NRG3: variants seen among roughly 807,000 people sequenced by gnomAD.
NRG3 encodes neuregulin 3, also known as pro-neuregulin-3, membrane-bound isoform.
A neutral mutation model predicts 66.9 loss-of-function variants in NRG3; 31 were observed. That is an observed-to-expected ratio of 0.46 (90% CI 0.35 to 0.63). The LOEUF is 0.63. Ranked by LOEUF, NRG3 falls within the 20% of genes least tolerant of loss-of-function variation. NRG3 has a pLI of 0.00. For synonymous variants in NRG3, 393 were observed against 359.4 expected (o/e 1.09, Z -1.06); for missense variants, 910 against 878.9 (o/e 1.04, Z -0.45).
At chr10:82,028,439 G>A (rs1354602541) in intron 1 of NRG3, among the ~76,000 whole-genome samples, 1 of 152,006 alleles carries the variant, frequency 6.6e-6, no homozygotes, top group Non-Finnish European at 1.5e-5. Flanking sequence ...TAAACTTAAA[G>A]TTCTTATTGC....
At chr10:82,675,193 G>A (rs1160716497) in intron 2 of NRG3, among the ~76,000 whole-genome samples, 2 of 152,042 alleles carry the variant, frequency 1.3e-5, no homozygotes, top group African/African-American at 4.8e-5. Context: ...CTGACCTCAG[G>A]TGGTCCGCCC....
chr10:82,955,857 T>C (rs181089520), intron 5 of NRG3, among the ~76,000 whole-genome samples: 1 of 152,068 alleles, frequency 6.6e-6, no homozygotes, highest in Non-Finnish European at 1.5e-5. Flanking sequence ...TGTTCCATTC[T>C]GGTATTGTTT....
chr10:82,802,643 C>G (rs1217322502), intron 3 of NRG3, among the ~76,000 whole-genome samples: 5 of 151,778 alleles, frequency 3.3e-5, no homozygotes, highest in Non-Finnish European at 5.9e-5. Flanking sequence ...TTACCAGGCC[C>G]TTTATTTTTA....
chr10:81,914,372 A>T (rs1182390775), intron 1 of NRG3, among the ~76,000 whole-genome samples: 1 of 152,130 alleles, frequency 6.6e-6, no homozygotes, highest in East Asian at 1.9e-4. Context: ...CTGAAATCTC[A>T]GCACTGAAGT....
At chr10:82,094,257 A>G (rs2066205119) in intron 1 of NRG3, among the ~76,000 whole-genome samples, 1 of 152,188 alleles carries the variant, frequency 6.6e-6, no homozygotes, top group Admixed American at 6.5e-5. Flanking sequence ...TGCAGTCACT[A>G]ATCATCAGAG....
chr10:82,673,098 A>T (rs1260469902), intron 2 of NRG3, among the ~76,000 whole-genome samples: 1 of 152,082 alleles, frequency 6.6e-6, no homozygotes, highest in African/African-American at 2.4e-5. Flanking sequence ...CATCCCAAAG[A>T]TCTATGCATG....
chr10:82,002,975 G>A (rs962863305), intron 1 of NRG3, among the ~76,000 whole-genome samples: 1 of 152,178 alleles, frequency 6.6e-6, no homozygotes, highest in Non-Finnish European at 1.5e-5. Context: ...TGATTGCTTT[G>A]TAGAAAATGG....
chr10:82,573,688 A>G (rs1204977731), intron 2 of NRG3, among the ~76,000 whole-genome samples: 2 of 151,734 alleles, frequency 1.3e-5, no homozygotes, highest in South Asian at 2.1e-4. Flanking sequence ...CCCTTACCTT[A>G]TGGAGTTCAA....
chr10:81,973,906 G>A (rs750475426), intron 1 of NRG3, among the ~76,000 whole-genome samples: 68 of 152,208 alleles, frequency 4.5e-4, no homozygotes, highest in Non-Finnish European at 9.1e-4. Context: ...AAGCTCTTTA[G>A]TTTAATTAGA....
intron 1 of NRG3, among the ~76,000 whole-genome samples, chr10:82,020,074 T>A (rs1445692270): frequency 6.6e-6 from 1 of 152,116 alleles, no homozygotes; most frequent in African/African-American, 2.4e-5. Flanking sequence ...TGTGGGCATT[T>A]ACTGCTATAA....
intron 1 of NRG3, among the ~76,000 whole-genome samples, chr10:82,020,518 G>A (rs2062011779): frequency 1.3e-5 from 2 of 152,114 alleles, no homozygotes; most frequent in African/African-American, 4.8e-5. Flanking sequence ...TTTGGGGATA[G>A]TGAGGTATAC....
chr10:82,064,359 A>G (rs963630919), intron 1 of NRG3, among the ~76,000 whole-genome samples: 2 of 151,708 alleles, frequency 1.3e-5, no homozygotes, highest in Non-Finnish European at 2.9e-5. Context: ...CTTATGAAAT[A>G]TCAAATATAT....
At chr10:82,343,890 C>G (rs192229556) in intron 1 of NRG3, among the ~76,000 whole-genome samples, 1 of 152,102 alleles carries the variant, frequency 6.6e-6, no homozygotes, top group Non-Finnish European at 1.5e-5. Context: ...CTGCTTCTCT[C>G]TTATGACCGT....
At chr10:81,955,166 TATA>T (rs1849709156) in intron 1 of NRG3, among the ~76,000 whole-genome samples, 1 of 147,966 alleles carries the variant, frequency 6.8e-6, no homozygotes, top group Admixed American at 6.8e-5. Flanking sequence ...ATATAATATA[TATA>T]ATACTATATA....
intron 2 of NRG3, among the ~76,000 whole-genome samples, chr10:82,480,193 T>C (rs994356520): frequency 6.6e-6 from 1 of 152,164 alleles, no homozygotes; most frequent in Non-Finnish European, 1.5e-5. Context: ...TTGTCTAGGA[T>C]TGGGTAGTGG....
chr10:82,591,600 A>G (rs1211884092), intron 2 of NRG3, among the ~76,000 whole-genome samples: 1 of 152,188 alleles, frequency 6.6e-6, no homozygotes, highest in Non-Finnish European at 1.5e-5. Flanking sequence ...TGACTGTATT[A>G]TCTCTTTGAA....
intron 1 of NRG3, among the ~76,000 whole-genome samples, chr10:82,200,554 C>T (rs1399852689): frequency 2.0e-5 from 3 of 152,102 alleles, no homozygotes; most frequent in Admixed American, 6.6e-5. Flanking sequence ...AGATTGGTGG[C>T]ATCGATGTCT....
At chr10:82,129,998 C>T (rs2068707081) in intron 1 of NRG3, among the ~76,000 whole-genome samples, 1 of 151,946 alleles carries the variant, frequency 6.6e-6, no homozygotes, top group African/African-American at 2.4e-5. Flanking sequence ...GCCCATTAAC[C>T]ATCACTACCC....
chr10:82,835,974 T>A (rs1037482635), intron 3 of NRG3, among the ~76,000 whole-genome samples: 2 of 152,166 alleles, frequency 1.3e-5, no homozygotes, highest in Non-Finnish European at 1.5e-5. Flanking sequence ...GTTAGCAAAC[T>A]ACCACCTTCA....
Sources: gnomAD v4.1 joint callset for allele counts (sites outside exome capture counted in the v4.1 genomes callset) on GRCh38, gnomAD v4.1.1 for gene constraint, MANE v1.5 for transcripts, NCBI Gene and HGNC (gene_info 2026-07-23, HGNC 2026-07-21) for gene names.